ADAMTSL1: variants seen among roughly 807,000 people sequenced by gnomAD.
ADAMTSL1 encodes the protein ADAMTS like 1, also known as ADAMTS-like protein 1.
In ADAMTSL1, 126 loss-of-function variants were observed where a neutral mutation model predicts 201.8. That is an observed-to-expected ratio of 0.62 (90% CI 0.54 to 0.72). The LOEUF is 0.72. Ranked by LOEUF, ADAMTSL1 falls within the 30% of genes least tolerant of loss-of-function variation. The probability of loss-of-function intolerance (pLI) is 0.00; values close to 1 mark genes in which losing one functional copy is unlikely to be tolerated. For synonymous variants in ADAMTSL1, 1,121 were observed against 903.4 expected, an observed-to-expected ratio of 1.24 and a Z score of -4.32; for missense variants, 2,679 against 2,277.8, an observed-to-expected ratio of 1.18 and a Z score of -3.59.
At chr9:18,190,201 C>G (rs950742460) in intron 2 of ADAMTSL1, among the ~76,000 whole-genome samples, 1 of 152,210 alleles carries the variant, frequency 6.6e-6, no homozygotes, top group African/African-American at 2.4e-5. Flanking sequence ...GGTTTAGTGT[C>G]AGCTTTTGCT....
At chr9:18,619,422 AC>A (rs1825889575) in intron 4 of ADAMTSL1, among the ~76,000 whole-genome samples, 1 of 152,174 alleles carries the variant, frequency 6.6e-6, no homozygotes, top group Non-Finnish European at 1.5e-5. Flanking sequence ...GAAAAAAAAA[AC>A]AATTGTGTCA....
chr9:18,317,287 C>A (rs1168589521), intron 2 of ADAMTSL1, among the ~76,000 whole-genome samples: 1 of 151,906 alleles, frequency 6.6e-6, no homozygotes, highest in Admixed American at 6.6e-5. Flanking sequence ...TCTCCGTTAT[C>A]AAATCAACAA....
intron 2 of ADAMTSL1, among the ~76,000 whole-genome samples, chr9:18,324,744 A>G (rs1452780541): frequency 1.3e-5 from 2 of 151,950 alleles, no homozygotes; most frequent in Non-Finnish European, 2.9e-5. Flanking sequence ...AGCCTGGGCA[A>G]CAAGAGCGAA....
At chr9:18,005,622 C>A (rs760549359) in intron 1 of ADAMTSL1, among the ~76,000 whole-genome samples, 1 of 152,012 alleles carries the variant, frequency 6.6e-6, no homozygotes, top group Non-Finnish European at 1.5e-5. Context: ...ACATTACCAA[C>A]CAAGTAGGTC....
At chr9:18,902,195 T>C (rs963414334) in intron 26 of ADAMTSL1, among the ~76,000 whole-genome samples, 3 of 152,094 alleles carry the variant, frequency 2.0e-5, no homozygotes, top group Non-Finnish European at 4.4e-5. Flanking sequence ...CAACAATCGA[T>C]AGGACAACTA....
chr9:17,932,570 T>A (rs1826838303), intron 1 of ADAMTSL1, among the ~76,000 whole-genome samples: 1 of 152,150 alleles, frequency 6.6e-6, no homozygotes, highest in African/African-American at 2.4e-5. Context: ...TCCTATAGAA[T>A]CATTAGTTTC....
At chr9:18,741,600 T>C (rs368079129) in intron 15 of ADAMTSL1, among the ~76,000 whole-genome samples, 1 of 152,136 alleles carries the variant, frequency 6.6e-6, no homozygotes, top group African/African-American at 2.4e-5. Flanking sequence ...ACAAACAAAC[T>C]GGGTGGGTTA....
intron 26 of ADAMTSL1, among the ~76,000 whole-genome samples, chr9:18,903,411 CTG>C (rs1481557020): frequency 6.6e-6 from 1 of 152,020 alleles, no homozygotes; most frequent in African/African-American, 2.4e-5. Context: ...ATAAACTAAA[CTG>C]TTTTAAAAGT....
intron 1 of ADAMTSL1, among the ~76,000 whole-genome samples, chr9:18,080,490 A>G (rs928280601): frequency 6.6e-6 from 1 of 152,218 alleles, no homozygotes; most frequent in Non-Finnish European, 1.5e-5. Flanking sequence ...TACTTGTGCT[A>G]GAAAGGGTAT....
intron 2 of ADAMTSL1, among the ~76,000 whole-genome samples, chr9:18,270,336 T>C (rs1832306779): frequency 6.6e-6 from 1 of 152,106 alleles, no homozygotes; most frequent in Admixed American, 6.6e-5. Context: ...AGAGGGTTAG[T>C]ATTTCAGCAT....
chr9:18,053,836 T>C (rs1822050978), intron 1 of ADAMTSL1, among the ~76,000 whole-genome samples: 2 of 152,236 alleles, frequency 1.3e-5, no homozygotes, highest in Non-Finnish European at 2.9e-5. Flanking sequence ...TTGGTGTGTA[T>C]CGTCAAAACC....
chr9:18,878,478 A>G (rs1828312608), intron 23 of ADAMTSL1, among the ~76,000 whole-genome samples: 1 of 152,156 alleles, frequency 6.6e-6, no homozygotes, highest in African/African-American at 2.4e-5. Flanking sequence ...CCACTACTAC[A>G]TCTACCCCTA....
intron 2 of ADAMTSL1, among the ~76,000 whole-genome samples, chr9:18,335,876 T>C (rs1835215150): frequency 6.6e-6 from 1 of 152,150 alleles, no homozygotes; most frequent in Non-Finnish European, 1.5e-5. Context: ...TGGGAGGTTG[T>C]AGAAATGTTT....
intron 23 of ADAMTSL1, among the ~76,000 whole-genome samples, chr9:18,856,312 G>C (rs1167350208): frequency 6.6e-6 from 1 of 152,114 alleles, no homozygotes; most frequent in Non-Finnish European, 1.5e-5. Context: ...ATTATGAAAT[G>C]ATGGTTTTTG....
intron 21 of ADAMTSL1, among the ~76,000 whole-genome samples, chr9:18,823,054 G>C (rs1373760549): frequency 6.6e-6 from 1 of 152,166 alleles, no homozygotes; most frequent in Non-Finnish European, 1.5e-5. Flanking sequence ...TGGAAGGACT[G>C]GCTGTCACTC....
chr9:18,581,962 T>G (rs367893347), intron 4 of ADAMTSL1, among the ~76,000 whole-genome samples: 1 of 152,208 alleles, frequency 6.6e-6, no homozygotes, highest in South Asian at 2.1e-4. Flanking sequence ...TCTGAGACAT[T>G]TATTCTAGGC....
At chr9:18,548,288 A>G (rs1820595503) in intron 3 of ADAMTSL1, among the ~76,000 whole-genome samples, 1 of 152,034 alleles carries the variant, frequency 6.6e-6, no homozygotes, top group South Asian at 2.1e-4. Flanking sequence ...CATACTGTAA[A>G]CAAGTGTCCT....
chr9:18,835,058 T>C (rs918997208), intron 23 of ADAMTSL1, among the ~76,000 whole-genome samples: 1 of 152,140 alleles, frequency 6.6e-6, no homozygotes, highest in Admixed American at 6.5e-5. Flanking sequence ...TTTTCCAAAG[T>C]AGTTGTACTA....
chr9:18,474,246 G>A lies in ADAMTSL1; in HGVS notation c.14G>A (p.Arg5His), dbSNP rs1283024208. 1.2e-6 allele frequency: 2 copies of A among 1,614,002 alleles called. No homozygotes were observed. Among genetic ancestry groups the A allele is most frequent in the African/African-American group, 2.7e-5 (2 of 74,910 alleles). MECC[R>H]RATPGTLLLF... is the part of the protein sequence containing the mutation. Reference sequence around the variant, plus strand: ...AAGGATCCAAGCATGGAATGCTGCCGTCGGGCAACTCCTGGCACACTGCTC... The same window carrying A: ...AAGGATCCAAGCATGGAATGCTGCCATCGGGCAACTCCTGGCACACTGCTC... The change falls in exon 1 of 29, where the codon CGT becomes CAT. Residue 5 changes from arginine to histidine, a missense_variant. Arg to His is a conservative substitution (Grantham distance 29). Transcript: ENST00000380548.
Sources: gnomAD v4.1 joint callset for allele counts (sites outside exome capture counted in the v4.1 genomes callset) on GRCh38, gnomAD v4.1.1 for gene constraint, MANE v1.5 for transcripts, NCBI Gene and HGNC (gene_info 2026-07-23, HGNC 2026-07-21) for gene names.